Variants in TRHDE observed in about 807,000 individuals in gnomAD.
The protein encoded by TRHDE is thyrotropin releasing hormone degrading enzyme.
Under a neutral mutation model 125.7 loss-of-function variants are expected in TRHDE, and 72 were observed. The ratio of observed to expected loss-of-function variants is 0.57; its 90% CI spans 0.47 to 0.70. The LOEUF (loss-of-function observed/expected upper bound fraction) is 0.70, where lower values mean the gene tolerates loss of function less well. Among genes scored for constraint, TRHDE ranks in the 30% least tolerant of loss-of-function variants. The pLI is 0.00. For synonymous variants in TRHDE, 509 were observed against 509.1 expected, an observed-to-expected ratio of 1.00 and a Z score of 0.00; for missense variants, 1,110 against 1,327.1, an observed-to-expected ratio of 0.84 and a Z score of 2.54.
chr12:72,474,595 T>C (rs1459000167), intron 5 of TRHDE, among the ~76,000 whole-genome samples: 1 of 152,128 alleles, frequency 6.6e-6, no homozygotes. Flanking sequence ...TGGCAGAATT[T>C]CTTTCTTTTT....
intron 2 of TRHDE, among the ~76,000 whole-genome samples, chr12:72,335,615 C>A (rs1214840318): frequency 2.0e-5 from 3 of 152,180 alleles, no homozygotes; most frequent in African/African-American, 7.2e-5. Context: ...AAACTGAGGG[C>A]ACAGACGGTG....
intron 12 of TRHDE, among the ~76,000 whole-genome samples, chr12:72,588,236 C>A (rs899348245): frequency 1.1e-4 from 17 of 152,116 alleles, no homozygotes; most frequent in African/African-American, 4.1e-4. Context: ...TATTTAATAG[C>A]TTTGTACATT....
rs761317561 is a variant in TRHDE, at chr12:72,273,574, T to C, written c.914+17T>C. The C allele has an allele frequency of 4.5e-6, 7 of 1,559,400 alleles. No individual in the cohort carries two copies. In the South Asian group the frequency reaches 8.0e-5, roughly 18 times the overall value. ...GGAGAGAAGGTATGGAGGGAGGCGG[T>C]GCCCCGCGCTGCCCCACCCCGGCGC... On this transcript the variant is annotated intron_variant, in intron 1 of 18. Coordinates refer to ENST00000261180, the MANE Select transcript of TRHDE (RefSeq NM_013381.3). The surrounding 1 kb of genome is among the most constrained non-coding windows in gnomAD (Gnocchi z 5.3).
chr12:72,464,773 G>T (rs889680827), intron 3 of TRHDE, among the ~76,000 whole-genome samples: 6 of 152,166 alleles, frequency 3.9e-5, no homozygotes, highest in Non-Finnish European at 8.8e-5. Context: ...GTCCATGAGA[G>T]TTGTGAATTT....
At chr12:72,483,380 T>C (rs1025368077) in intron 5 of TRHDE, among the ~76,000 whole-genome samples, 1 of 152,052 alleles carries the variant, frequency 6.6e-6, no homozygotes, top group Non-Finnish European at 1.5e-5. Flanking sequence ...TTATCCAGCT[T>C]CAAAATATGT....
chr12:72,092,253 C>T (rs1194532939), intron 1 of TRHDE, among the ~76,000 whole-genome samples: 1 of 152,154 alleles, frequency 6.6e-6, no homozygotes, highest in Admixed American at 6.6e-5. Flanking sequence ...TTAATTATGG[C>T]TATGTCATGG....
chr12:72,512,899 T>C (rs1364020801), intron 6 of TRHDE, among the ~76,000 whole-genome samples: 1 of 151,902 alleles, frequency 6.6e-6, no homozygotes, highest in Non-Finnish European at 1.5e-5. Context: ...ATATAAGTAG[T>C]GTTTGTACAT....
intron 3 of TRHDE, among the ~76,000 whole-genome samples, chr12:72,412,973 G>A (rs886718149): frequency 3.9e-5 from 6 of 151,968 alleles, no homozygotes; most frequent in Non-Finnish European, 8.8e-5. Context: ...TCGGGGTGGT[G>A]CACACTTGTG....
At chr12:72,167,874 T>C (rs555374022) in intron 2 of TRHDE, among the ~76,000 whole-genome samples, 1 of 152,216 alleles carries the variant, frequency 6.6e-6, no homozygotes, top group Admixed American at 6.5e-5. Flanking sequence ...TTCAGAGGCC[T>C]AAGTATCTAA....
intron 1 of TRHDE, among the ~76,000 whole-genome samples, chr12:72,282,544 C>G (rs1481639958): frequency 6.6e-6 from 1 of 152,170 alleles, no homozygotes; most frequent in East Asian, 1.9e-4. Flanking sequence ...CGGAAACTGG[C>G]TCTCTCTGTT....
intron 4 of TRHDE, among the ~76,000 whole-genome samples, chr12:72,471,837 T>G (rs1225344001): frequency 6.6e-6 from 1 of 152,222 alleles, no homozygotes; most frequent in Non-Finnish European, 1.5e-5. Flanking sequence ...ATGTGGCTCC[T>G]AAAGCCATAC....
chr12:72,102,507 G>A (rs1284113945), intron 1 of TRHDE, among the ~76,000 whole-genome samples: 1 of 152,102 alleles, frequency 6.6e-6, no homozygotes, highest in Non-Finnish European at 1.5e-5. Context: ...CCAGCTTGAC[G>A]CTAACCTTAA....
intron 5 of TRHDE, among the ~76,000 whole-genome samples, chr12:72,493,738 C>T (rs1877785325): frequency 6.6e-6 from 1 of 151,944 alleles, no homozygotes; most frequent in East Asian, 1.9e-4. Context: ...CTCTGTAGTC[C>T]CCCAAACGAA....
At chr12:72,605,214 A>G (rs530866109) in intron 12 of TRHDE, among the ~76,000 whole-genome samples, 2 of 152,234 alleles carry the variant, frequency 1.3e-5, no homozygotes, top group Non-Finnish European at 2.9e-5. Context: ...TTATTATAAT[A>G]TATAGGTGTT....
At chr12:72,369,748 ATGTT>A (rs1356082901) in intron 2 of TRHDE, among the ~76,000 whole-genome samples, 1 of 152,102 alleles carries the variant, frequency 6.6e-6, no homozygotes, top group African/African-American at 2.4e-5. Flanking sequence ...ACCGGACTAA[ATGTT>A]TATAGAGTTT....
chr12:72,106,862 T>A (rs1367277005), intron 2 of TRHDE, among the ~76,000 whole-genome samples: 2 of 152,156 alleles, frequency 1.3e-5, no homozygotes, highest in Non-Finnish European at 2.9e-5. Context: ...ACTTCAGGTG[T>A]GCAACCATAT....
intron 2 of TRHDE, among the ~76,000 whole-genome samples, chr12:72,210,210 T>TATCTATC (rs1179985307): frequency 8.6e-4 from 65 of 75,174 alleles, no homozygotes; most frequent in African/African-American, 3.6e-3. Flanking sequence ...ATCTATCTAC[T>TATCTATC]TTCTGATAAA....
chr12:72,629,846 T>C (rs1427609369), intron 15 of TRHDE, among the ~76,000 whole-genome samples: 1 of 151,558 alleles, frequency 6.6e-6, no homozygotes, highest in African/African-American at 2.4e-5. Flanking sequence ...CCTTTTTGTT[T>C]ACTTTTTCCC....
intron 2 of TRHDE, among the ~76,000 whole-genome samples, chr12:72,365,514 A>C (rs1871304859): frequency 6.6e-6 from 1 of 152,094 alleles, no homozygotes; most frequent in South Asian, 2.1e-4. Flanking sequence ...TAACTTTTTA[A>C]AATTATTTCA....
Sources: allele counts gnomAD v4.1 joint callset (sites outside exome capture counted in the v4.1 genomes callset), GRCh38; gene constraint gnomAD v4.1.1; non-coding constraint Gnocchi (gnomAD v3.1); transcripts MANE v1.5; gene names NCBI Gene and HGNC (gene_info 2026-07-23, HGNC 2026-07-21).